The following LRRFIP1 variants were observed in gnomAD, a reference collection of about 807,000 sequenced individuals.
LRRFIP1 encodes leucine-rich repeat flightless-interacting protein 1.
LRRFIP1 carries 62 observed loss-of-function variants against 104.4 expected under a neutral mutation model. That is an observed-to-expected ratio of 0.59 (90% confidence interval 0.48 to 0.73). LRRFIP1 has a LOEUF of 0.73. Among genes scored for constraint, LRRFIP1 ranks in the 30% least tolerant of loss-of-function variants. The pLI is 0.00. For synonymous variants in LRRFIP1, 300 were observed against 299.0 expected, an observed-to-expected ratio of 1.00 and a Z score of -0.03; for missense variants, 796 against 824.5, an observed-to-expected ratio of 0.97 and a Z score of 0.42.
Position 237,735,608 on chromosome 2 carries a change from G to A in LRRFIP1, c.555+275G>A, listed in dbSNP as rs963364813. 1.0e-5 allele frequency: 4 copies of A among 387,154 alleles called. No individual in the cohort carries two copies. The highest frequency in any genetic ancestry group is 1.4e-5 in the Non-Finnish European group (3 of 215,448). 24.0% of individuals were successfully genotyped at this position (387,154 alleles called of 1,614,324 possible). A position where few individuals can be genotyped will look rare whatever the true frequency, so the allele number is the denominator to read the frequency against. ...CTGCAGCACGCCAACCATACTAACAGGTGGTGAAACCGTCTTCGGTTAATA... is the reference window on the plus strand; with the variant it reads ...CTGCAGCACGCCAACCATACTAACAAGTGGTGAAACCGTCTTCGGTTAATA... On this transcript the variant is annotated intron_variant, in intron 10 of 23. Transcript: ENST00000308482. The surrounding 1 kb of genome is among the most constrained non-coding windows in gnomAD (Gnocchi z 4.6).
In LRRFIP1 at chr2:237,760,007, A is replaced by G. The variant is rs115154862; in HGVS notation, c.1318-57A>G. 915 of 1,515,628 alleles carry G rather than the reference A, an allele frequency of 6.0e-4. 7 individuals are homozygous for G. In the African/African-American group the frequency reaches 0.012, roughly 19 times the overall value. The allele number at this position is 1,515,628 out of a possible 1,614,324, so 93.9% of individuals were successfully genotyped here. A position where few individuals can be genotyped will look rare whatever the true frequency, so the allele number is the denominator to read the frequency against. On this transcript the variant is annotated intron_variant, in intron 18 of 23. Transcript: ENST00000308482. ...TTCTTTTTTATTATTGTATTAAAAC[A>G]GAGTTTAACCTAATATCACTGAGTA...
intron 11 of LRRFIP1, among the ~76,000 whole-genome samples, chr2:237,740,155 C>T (rs1338482362): frequency 6.6e-6 from 1 of 151,992 alleles, no homozygotes; most frequent in African/African-American, 2.4e-5. Context: ...TCTGTAATCC[C>T]AGCGTCATGG....
intron 7 of LRRFIP1, among the ~76,000 whole-genome samples, chr2:237,725,993 T>A (rs79828957): frequency 0.013 from 2,020 of 152,348 alleles, 26 homozygotes; most frequent in African/African-American, 0.045. Context: ...CTTCATTATT[T>A]TATTAATTTC....
intron 1 of LRRFIP1, among the ~76,000 whole-genome samples, chr2:237,663,098 T>C (rs960353526): frequency 6.6e-6 from 1 of 152,228 alleles, no homozygotes; most frequent in Non-Finnish European, 1.5e-5. Flanking sequence ...TGTTTTCTTC[T>C]ACCTATGACT....
chr2:237,693,559 C>T (rs1435050230), intron 1 of LRRFIP1, among the ~76,000 whole-genome samples: 1 of 152,094 alleles, frequency 6.6e-6, no homozygotes, highest in Non-Finnish European at 1.5e-5. Flanking sequence ...CCTCTGGAGC[C>T]GGTTTTTACC....
In LRRFIP1 at chr2:237,733,780, T is replaced by C. The variant is rs756537103; in HGVS notation, c.451T>C (p.Cys151Arg). 9 of 1,614,052 alleles carry C rather than the reference T, an allele frequency of 5.6e-6. No individual in the cohort carries two copies. Among genetic ancestry groups the C allele is most frequent in the Non-Finnish European group, 7.6e-6 (9 of 1,179,880 alleles). The change falls in exon 9 of 24, where the codon TGT becomes CGT. Residue 151 changes from cysteine (C) to arginine (R), a missense_variant. Cys to Arg is a radical substitution (Grantham distance 180). Transcript: ENST00000308482. ...ATTTGCTTTCATCCTCCAGCCCTCC[T>C]GTCTGTACAGCGCTGCCCGGCCTTC... Reference protein sequence around the residue: ...SLNRRSGRPSCLYSAARPSGS... With the variant: ...SLNRRSGRPSRLYSAARPSGS...
intron 1 of LRRFIP1, among the ~76,000 whole-genome samples, chr2:237,673,919 A>ACC (rs2090743318): frequency 1.9e-5 from 1 of 52,312 alleles, no homozygotes; most frequent in East Asian, 7.3e-4. Context: ...CTCTGTGCAG[A>ACC]GCGCGTCTAC....
chr2:237,699,080 C>T (rs2149856662), intron 1 of LRRFIP1, among the ~76,000 whole-genome samples: 1 of 152,294 alleles, frequency 6.6e-6, no homozygotes, highest in East Asian at 1.9e-4. Context: ...CCTGGCGTCA[C>T]AGGGAGGCTG....
At chr2:237,733,871 C>A (rs1441056648) in intron 9 of LRRFIP1, 53 bp downstream of exon 9, 3 of 1,589,682 alleles carry the variant, frequency 1.9e-6, no homozygotes, top group Non-Finnish European at 2.6e-6. Context: ...TGTGCATGCA[C>A]CGCCCCCACC....
intron 1 of LRRFIP1, among the ~76,000 whole-genome samples, chr2:237,686,519 T>C (rs1203536579): frequency 6.6e-6 from 1 of 152,236 alleles, no homozygotes; most frequent in African/African-American, 2.4e-5. Flanking sequence ...CCATCATTTA[T>C]AAGGCACCTA....
At chr2:237,714,376 A>G (rs2094240999) in intron 3 of LRRFIP1, 100 bp downstream of exon 3, 5 of 922,342 alleles carry the variant, frequency 5.4e-6, no homozygotes, top group Non-Finnish European at 8.5e-6. Context: ...CTGAAGATAC[A>G]TAGAAGTTCT....
At chr2:237,718,133 C>G (rs1321639455) in intron 4 of LRRFIP1, among the ~76,000 whole-genome samples, 1 of 152,228 alleles carries the variant, frequency 6.6e-6, no homozygotes, top group Non-Finnish European at 1.5e-5. Flanking sequence ...GGCTCTCCAC[C>G]AGGACTCGGG....
At chr2:237,677,349 T>C (rs2091280016) in intron 1 of LRRFIP1, among the ~76,000 whole-genome samples, 1 of 152,246 alleles carries the variant, frequency 6.6e-6, no homozygotes, top group Non-Finnish European at 1.5e-5. Context: ...TTCTCACATT[T>C]TAGCAGATGA....
At chr2:237,667,859 C>T (rs770588237) in intron 1 of LRRFIP1, among the ~76,000 whole-genome samples, 1 of 152,142 alleles carries the variant, frequency 6.6e-6, no homozygotes, top group Non-Finnish European at 1.5e-5. Context: ...TTCACTCAGG[C>T]TCCGTCAGCC....
intron 1 of LRRFIP1, among the ~76,000 whole-genome samples, chr2:237,647,516 G>GC (rs1185540066): frequency 7.9e-5 from 12 of 152,136 alleles, no homozygotes; most frequent in South Asian, 4.1e-4. Flanking sequence ...TCAGATGGGT[G>GC]CCCCCCCACC....
At chr2:237,671,150 G>A (rs1204026500) in intron 1 of LRRFIP1, among the ~76,000 whole-genome samples, 5 of 152,328 alleles carry the variant, frequency 3.3e-5, no homozygotes, top group South Asian at 2.1e-4. Flanking sequence ...GACCATTACC[G>A]TTGATGATCC....
intron 7 of LRRFIP1, among the ~76,000 whole-genome samples, chr2:237,724,611 C>T (rs532818944): frequency 9.7e-4 from 148 of 152,302 alleles, no homozygotes; most frequent in Admixed American, 3.0e-3. Flanking sequence ...CACTGCAAGT[C>T]GCTCTGGCAG....
Position 237,735,449 on chromosome 2 carries a change from G to A in LRRFIP1, c.555+116G>A, listed in dbSNP as rs962868721. 1.8e-5 allele frequency: 16 copies of A among 898,008 alleles called. 1 individual carries two copies. The highest frequency in any genetic ancestry group is 1.7e-4 in the African/African-American group (10 of 59,168). 55.6% of individuals were successfully genotyped at this position (898,008 alleles called of 1,614,324 possible). Reference sequence around the variant, plus strand: ...CTGGCCATTCTCAGGAGGAAGCGCCGAGTCACCGGGCTAACCGCCACCTTC... The same window carrying A: ...CTGGCCATTCTCAGGAGGAAGCGCCAAGTCACCGGGCTAACCGCCACCTTC... On this transcript the variant is annotated intron_variant, in intron 10 of 23. Transcript: ENST00000308482. The surrounding 1 kb of genome is among the most constrained non-coding windows in gnomAD (Gnocchi z 4.6).
chr2:237,736,392 A>T (rs3820809), intron 10 of LRRFIP1, among the ~76,000 whole-genome samples: 5 of 152,080 alleles, frequency 3.3e-5, no homozygotes, highest in Admixed American at 2.0e-4. Context: ...TAAACCATGC[A>T]TGAAGAATGA....
Sources: gnomAD v4.1 joint callset for allele counts (sites outside exome capture counted in the v4.1 genomes callset) on GRCh38, gnomAD v4.1.1 for gene constraint, Gnocchi (gnomAD v3.1) non-coding constraint, MANE v1.5 for transcripts, NCBI Gene and HGNC (gene_info 2026-07-23, HGNC 2026-07-21) for gene names.